The following CABLES1 variants were observed in gnomAD, a reference collection of about 807,000 sequenced individuals.
The protein encoded by CABLES1 is Cdk5 and Abl enzyme substrate 1.
Under a neutral mutation model 57.8 loss-of-function variants are expected in CABLES1, and 36 were observed. The ratio of observed to expected loss-of-function variants is 0.62; its 90% CI spans 0.48 to 0.82. The LOEUF is 0.82. CABLES1 is among the 40% of genes least tolerant of loss of function. The pLI, the probability that CABLES1 is intolerant of heterozygous loss-of-function variation, is 0.00. For missense variants in CABLES1, 767 were observed against 836.6 expected (o/e 0.92, Z 1.03); for synonymous variants, 374 against 363.0 (o/e 1.03, Z -0.35).
chr18:23,209,713 A>G (rs187641731), intron 3 of CABLES1, among the ~76,000 whole-genome samples: 5 of 152,322 alleles, frequency 3.3e-5, no homozygotes, highest in East Asian at 1.9e-4. Context: ...CCTTCTCACA[A>G]CCAACAGAGA....
At chr18:23,179,037 A>T (rs1395755989) in intron 1 of CABLES1, among the ~76,000 whole-genome samples, 1 of 152,166 alleles carries the variant, frequency 6.6e-6, no homozygotes, top group Non-Finnish European at 1.5e-5. Context: ...AGTAATCCCA[A>T]CACTTTGGGA....
intron 1 of CABLES1, among the ~76,000 whole-genome samples, chr18:23,153,551 T>A (rs1290884251): frequency 3.9e-5 from 6 of 151,912 alleles, no homozygotes; most frequent in African/African-American, 1.5e-4. Context: ...CTGACCAACA[T>A]GGTGAAACCC....
intron 2 of CABLES1, chr18:23,190,377 A>G (rs1381996210): frequency 6.6e-6 from 1 of 152,210 alleles, no homozygotes; most frequent in African/African-American, 2.4e-5. Flanking sequence ...CCTTGGAACA[A>G]CGTGGCCACT....
intron 7 of CABLES1, among the ~76,000 whole-genome samples, chr18:23,238,027 T>A (rs2047646806): frequency 6.6e-6 from 1 of 150,950 alleles, no homozygotes; most frequent in African/African-American, 2.4e-5. Context: ...CCCCACCACC[T>A]CCCTGCGTTT....
chr18:23,184,343 A>G (rs893383485), intron 1 of CABLES1, among the ~76,000 whole-genome samples: 41 of 137,862 alleles, frequency 3.0e-4, no homozygotes, highest in African/African-American at 1.2e-3. Context: ...GTGTGTGTGT[A>G]GGTCCGTCTG....
Position 23,257,282 on chromosome 18 carries a change from CGGTGTTAGT to C in CABLES1, c.1820_1828del (p.Val607_Val609del). 1 of 1,613,630 alleles carries C rather than the reference CGGTGTTAGT, an allele frequency of 6.2e-7. No individual in the cohort carries two copies. The stretch of plus-strand genomic sequence containing the variant: ...CGAGAACTGATTGCCTTTGAATTCC[CGGTGTTAGT>C]GGCCTTGGAATTCGCCCTCCACTTG... On this transcript the variant is annotated inframe_deletion, in exon 10 of 10. Coordinates refer to ENST00000256925, the MANE Select transcript of CABLES1 (RefSeq NM_001100619.3).
intron 1 of CABLES1, among the ~76,000 whole-genome samples, chr18:23,185,148 G>A (rs1322731529): frequency 6.6e-6 from 1 of 152,200 alleles, no homozygotes; most frequent in Non-Finnish European, 1.5e-5. Flanking sequence ...TTTTCCAAAT[G>A]AGCCTTTCTC....
intron 1 of CABLES1, among the ~76,000 whole-genome samples, chr18:23,163,076 G>A (rs967435442): frequency 1.3e-5 from 2 of 152,164 alleles, no homozygotes; most frequent in Non-Finnish European, 2.9e-5. Context: ...TGGACTGAAG[G>A]TGGCTGTGTT....
intron 6 of CABLES1, among the ~76,000 whole-genome samples, chr18:23,236,485 G>C (rs1390756479): frequency 6.6e-6 from 1 of 152,112 alleles, no homozygotes; most frequent in African/African-American, 2.4e-5. Context: ...CTGAGTTGGC[G>C]GCTGAAGGAA....
chr18:23,239,635 G>T (rs907683927), intron 7 of CABLES1, among the ~76,000 whole-genome samples: 1 of 152,184 alleles, frequency 6.6e-6, no homozygotes, highest in Middle Eastern at 3.2e-3. Context: ...TGGGGAACAG[G>T]TATAGAATTC....
At chr18:23,236,966 C>A (rs1360904075) in intron 6 of CABLES1, among the ~76,000 whole-genome samples, 176 bp from the exon 7 acceptor site, 1 of 152,192 alleles carries the variant, frequency 6.6e-6, no homozygotes, top group Non-Finnish European at 1.5e-5. Flanking sequence ...GGAGAATCCA[C>A]TTCACTGGCA....
chr18:23,241,979 TA>T (rs1157009365), intron 7 of CABLES1, among the ~76,000 whole-genome samples: 2 of 151,742 alleles, frequency 1.3e-5, no homozygotes, highest in Non-Finnish European at 2.9e-5. Context: ...ATTTTGAACT[TA>T]AAAAAAAATT....
At chr18:23,233,887 G>A (rs2145080957) in intron 4 of CABLES1, among the ~76,000 whole-genome samples, 1 of 152,240 alleles carries the variant, frequency 6.6e-6, no homozygotes, top group South Asian at 2.1e-4. Flanking sequence ...TCCTAAGAAA[G>A]GGGAGCAGCA....
intron 3 of CABLES1, among the ~76,000 whole-genome samples, chr18:23,206,406 GC>G (rs1337591910): frequency 1.3e-5 from 2 of 152,376 alleles, no homozygotes; most frequent in East Asian, 3.9e-4. Context: ...GTTAGTAAAT[GC>G]CAAAGGAAAT....
intron 7 of CABLES1, among the ~76,000 whole-genome samples, chr18:23,244,959 C>G (rs1291638320): frequency 6.6e-6 from 1 of 152,220 alleles, no homozygotes; most frequent in African/African-American, 2.4e-5. Context: ...GCTTTATCCG[C>G]CCTAGAGCGG....
intron 1 of CABLES1, among the ~76,000 whole-genome samples, chr18:23,185,170 A>G (rs1007259002): frequency 2.6e-5 from 4 of 152,190 alleles, no homozygotes; most frequent in African/African-American, 9.7e-5. Flanking sequence ...TTTCTGGTGC[A>G]GGAAGAGGTG....
chr18:23,206,545 C>T (rs2047364887), intron 3 of CABLES1, among the ~76,000 whole-genome samples: 1 of 152,254 alleles, frequency 6.6e-6, no homozygotes, highest in Admixed American at 6.5e-5. Context: ...CAGAGTCTGT[C>T]TGTGGCATCG....
At chr18:23,200,942 C>A (rs978053987) in intron 3 of CABLES1, among the ~76,000 whole-genome samples, 28 of 152,204 alleles carry the variant, frequency 1.8e-4, no homozygotes, top group African/African-American at 6.8e-4. Flanking sequence ...CCAGCGTTAT[C>A]TCCTGCAGCC....
intron 4 of CABLES1, among the ~76,000 whole-genome samples, chr18:23,224,248 C>T (rs948857954): frequency 6.6e-6 from 1 of 151,934 alleles, no homozygotes; most frequent in African/African-American, 2.4e-5. Context: ...CCATTCATCC[C>T]CACTCCTGCC....
Sources: allele counts gnomAD v4.1 joint callset (sites outside exome capture counted in the v4.1 genomes callset), GRCh38; gene constraint gnomAD v4.1.1; transcripts MANE v1.5; gene names NCBI Gene and HGNC (gene_info 2026-07-23, HGNC 2026-07-21).